Variants in LMNTD1 observed in about 807,000 individuals in gnomAD.
LMNTD1 encodes the protein lamin tail domain-containing protein 1.
Under a neutral mutation model 50.9 loss-of-function variants are expected in LMNTD1, and 35 were observed. The ratio of observed to expected loss-of-function variants is 0.69; its 90% CI spans 0.53 to 0.91. The LOEUF (loss-of-function observed/expected upper bound fraction) is 0.91, where lower values mean the gene tolerates loss of function less well. Ranked by LOEUF, LMNTD1 falls within the 40% of genes least tolerant of loss-of-function variation. The pLI is 0.00. For synonymous variants in LMNTD1, 153 were observed against 161.9 expected (o/e 0.94, Z 0.42); for missense variants, 470 against 475.5 (o/e 0.99, Z 0.11).
intron 1 of LMNTD1, among the ~76,000 whole-genome samples, chr12:25,628,062 C>T (rs1164970225): frequency 8.8e-6 from 1 of 114,092 alleles, no homozygotes; most frequent in Admixed American, 1.4e-4. Flanking sequence ...GAGTCGAGAT[C>T]GCGCCACTGC....
chr12:25,591,994 T>C (rs1229919612), intron 1 of LMNTD1, among the ~76,000 whole-genome samples: 1 of 152,208 alleles, frequency 6.6e-6, no homozygotes, highest in Non-Finnish European at 1.5e-5. Flanking sequence ...TTATTGGGTT[T>C]GTGGTGCCTT....
chr12:25,633,560 C>A (rs1302130865), intron 1 of LMNTD1, among the ~76,000 whole-genome samples: 8 of 152,170 alleles, frequency 5.3e-5, no homozygotes, highest in African/African-American at 1.9e-4. Context: ...AATTAAATAA[C>A]CTGCTCCTGA....
chr12:25,613,421 A>G (rs923942091), intron 1 of LMNTD1, among the ~76,000 whole-genome samples: 1 of 152,216 alleles, frequency 6.6e-6, no homozygotes, highest in African/African-American at 2.4e-5. Flanking sequence ...TCCTGAGGTT[A>G]AAACAATACC....
chr12:25,522,593 A>G (rs1003205951), intron 6 of LMNTD1, among the ~76,000 whole-genome samples: 1 of 152,220 alleles, frequency 6.6e-6, no homozygotes, highest in African/African-American at 2.4e-5. Flanking sequence ...CTGAAACATT[A>G]CTGAGAATCA....
At chr12:25,511,123 T>C (rs1940257634) in intron 8 of LMNTD1, among the ~76,000 whole-genome samples, 3 of 152,254 alleles carry the variant, frequency 2.0e-5, no homozygotes, top group East Asian at 1.9e-4. Context: ...CAGGGTGTGT[T>C]TGAAGAACTG....
intron 9 of LMNTD1, among the ~76,000 whole-genome samples, chr12:25,483,628 CGG>C (rs1938516028): frequency 6.6e-6 from 1 of 151,582 alleles, no homozygotes; most frequent in East Asian, 1.9e-4. Context: ...AAAAATTAGC[CGG>C]TCATGGTGGC....
chr12:25,524,733 C>A (rs1251245085), intron 6 of LMNTD1, among the ~76,000 whole-genome samples: 1 of 151,742 alleles, frequency 6.6e-6, no homozygotes, highest in African/African-American at 2.4e-5. Flanking sequence ...CATTGTGTAT[C>A]CTCATTTTCT....
At chr12:25,508,712 G>T (rs559826256) in intron 8 of LMNTD1, among the ~76,000 whole-genome samples, 18 of 152,092 alleles carry the variant, frequency 1.2e-4, no homozygotes, top group Admixed American at 3.3e-4. Context: ...CTTATTTCAC[G>T]CAGACTTCTA....
intron 4 of LMNTD1, among the ~76,000 whole-genome samples, chr12:25,534,981 C>T (rs143359157): frequency 1.3e-5 from 2 of 152,086 alleles, no homozygotes; most frequent in African/African-American, 4.8e-5. Context: ...AGGCAAAATC[C>T]ACAATTTCTG....
chr12:25,527,179 TAAAG>T (rs1410346840), intron 4 of LMNTD1, among the ~76,000 whole-genome samples: 5 of 151,970 alleles, frequency 3.3e-5, no homozygotes, highest in Admixed American at 2.6e-4. Context: ...TCACTTAAAA[TAAAG>T]AAAACTTAAA....
chr12:25,515,201 TA>T (rs1400939218), intron 8 of LMNTD1, among the ~76,000 whole-genome samples: 4 of 151,514 alleles, frequency 2.6e-5, no homozygotes, highest in Non-Finnish European at 5.9e-5. Context: ...TTTTTTTAAG[TA>T]AAAAAGAAAA....
intron 1 of LMNTD1, among the ~76,000 whole-genome samples, chr12:25,621,505 A>G (rs917234090): frequency 6.6e-6 from 1 of 152,244 alleles, no homozygotes; most frequent in Admixed American, 6.5e-5. Flanking sequence ...TAATTACCAC[A>G]ATCAAATTAA....
At chr12:25,484,659 C>G (rs1377877617) in intron 9 of LMNTD1, among the ~76,000 whole-genome samples, 1 of 120,514 alleles carries the variant, frequency 8.3e-6, no homozygotes, top group Non-Finnish European at 1.7e-5. Flanking sequence ...CCCCCCTCCC[C>G]CCACCCCACC....
At chr12:25,546,284 C>T (rs1943421496) in intron 4 of LMNTD1, 90 bp downstream of exon 4, 3 of 631,270 alleles carry the variant, frequency 4.8e-6, no homozygotes, top group South Asian at 8.0e-5. Flanking sequence ...TAAAATAATG[C>T]ATATAACTAC....
At chr12:25,527,681 T>TATATATATATATATATATATAC (rs1463259109) in intron 4 of LMNTD1, among the ~76,000 whole-genome samples, 1 of 32,354 alleles carries the variant, frequency 3.1e-5, no homozygotes, top group Non-Finnish European at 5.8e-5. Context: ...TATATATATA[T>TATATATATATATATATATATAC]ACACACACAC....
At chr12:25,487,195 C>T (rs1405985820) in intron 9 of LMNTD1, among the ~76,000 whole-genome samples, 73 of 131,456 alleles carry the variant, frequency 5.6e-4, no homozygotes, top group African/African-American at 2.1e-3. Context: ...TCCTTGTTGA[C>T]TTTCTGTCTC....
At chr12:25,639,876 T>G (rs1419182916) in intron 1 of LMNTD1, among the ~76,000 whole-genome samples, 1 of 152,056 alleles carries the variant, frequency 6.6e-6, no homozygotes, top group Admixed American at 6.6e-5. Flanking sequence ...TTTGTCACAA[T>G]AGCCAAAAAA....
intron 1 of LMNTD1, among the ~76,000 whole-genome samples, chr12:25,607,231 T>C (rs567997486): frequency 4.1e-4 from 63 of 152,314 alleles, no homozygotes; most frequent in African/African-American, 1.5e-3. Flanking sequence ...CTTTTCTTCT[T>C]TATTAGTCTT....
chr12:25,575,240 CA>C lies in LMNTD1; in HGVS notation c.59-28687del, dbSNP rs1202662644. ...AGGGATTTTTATTTCTCAACCTTTG[CA>C]ATGAGAGGAGGGAGAAAATAAAAAT... is the stretch of plus-strand genomic sequence containing the variant. On this transcript the variant is annotated intron_variant, in intron 1 of 7. Coordinates refer to the LMNTD1 transcript ENST00000445693. 7.9e-5 allele frequency among the ~76,000 whole-genome samples: 12 copies of C among 152,216 alleles called. No homozygotes were observed. The East Asian group carries it at 2.3e-3, about 29-fold the overall frequency.
Sources: allele counts gnomAD v4.1 joint callset (sites outside exome capture counted in the v4.1 genomes callset), GRCh38; gene constraint gnomAD v4.1.1; transcripts MANE v1.5; gene names NCBI Gene and HGNC (gene_info 2026-07-23, HGNC 2026-07-21).